Variants in TWSG1 observed in about 807,000 individuals in gnomAD.
The protein encoded by TWSG1 is twisted gastrulation protein homolog 1.
A neutral mutation model predicts 23.0 loss-of-function variants in TWSG1; 15 were observed. The ratio of observed to expected loss-of-function variants is 0.65; its 90% CI spans 0.44 to 1.00. The LOEUF (loss-of-function observed/expected upper bound fraction) is 1.00. Ranked by LOEUF, TWSG1 falls within the 50% of genes least tolerant of loss-of-function variation. The probability of loss-of-function intolerance (pLI) is 0.00; values close to 1 mark genes in which losing one functional copy is unlikely to be tolerated. For missense variants in TWSG1, 242 were observed against 278.7 expected (o/e 0.87, Z 0.94); for synonymous variants, 86 against 92.8 (o/e 0.93, Z 0.42).
At chr18:9,347,568 T>G (rs2040483252) in intron 2 of TWSG1, among the ~76,000 whole-genome samples, 1 of 152,202 alleles carries the variant, frequency 6.6e-6, no homozygotes, top group African/African-American at 2.4e-5. Flanking sequence ...TAAATTTATT[T>G]ATCAGTATTT....
intron 3 of TWSG1, among the ~76,000 whole-genome samples, chr18:9,389,448 A>T (rs2040701172): frequency 1.3e-5 from 2 of 152,192 alleles, no homozygotes; most frequent in Non-Finnish European, 2.9e-5. Flanking sequence ...CTTGGCTCTG[A>T]TCCTAGATGA....
Position 9,401,984 on chromosome 18 carries a change from G to A in TWSG1, c.*2457G>A, listed in dbSNP as rs1367879855. The A allele has an allele frequency of 2.6e-5, 4 of 152,044 alleles. No individual in the cohort carries two copies. In the East Asian group the frequency reaches 7.7e-4, roughly 29 times the overall value. The allele number at this position is 152,044 out of a possible 1,614,324, so 9.4% of individuals were successfully genotyped here. A position where few individuals can be genotyped will look rare whatever the true frequency, so the allele number is the denominator to read the frequency against. On this transcript the variant is annotated 3_prime_UTR_variant, in exon 5 of 5. Coordinates refer to ENST00000262120, the MANE Select transcript of TWSG1 (RefSeq NM_020648.6). ...CTTGTGCTTGTTAGCAGGTTTTTCTGTTAGTTTTTCCCCCATAACATTTAA... is the reference window on the plus strand; with the variant it reads ...CTTGTGCTTGTTAGCAGGTTTTTCTATTAGTTTTTCCCCCATAACATTTAA...
At chr18:9,399,290 TTA>T in intron 4 of TWSG1, 54 bp from the exon 5 acceptor site, 1 of 1,310,660 alleles carries the variant, frequency 7.6e-7, no homozygotes, top group Admixed American at 2.3e-5. Context: ...ATAAAGCATT[TTA>T]TTTTTTTGTT....
In TWSG1 at chr18:9,399,465, A is replaced by G. The variant is rs2040753296; in HGVS notation, c.610A>G (p.Ile204Val). Residue 204 changes from isoleucine to valine, a missense_variant, in exon 5 of 5, where the codon ATT (isoleucine) becomes GTT (valine). Coordinates refer to ENST00000262120, the MANE Select transcript of TWSG1 (RefSeq NM_020648.6). ...GTTTCATAATGCCTGCTGCGAGTGC[A>G]TTGGTCCAGAATGTATTGACTATGG... ...RWFHNACCEC[I>V]GPECIDYGSK... 1 of 1,614,130 alleles carries G rather than the reference A, an allele frequency of 6.2e-7. No individual in the cohort carries two copies. The highest frequency in any genetic ancestry group is 8.5e-7 in the Non-Finnish European group (1 of 1,180,004).
intron 3 of TWSG1, among the ~76,000 whole-genome samples, chr18:9,370,993 T>C (rs1486524243): frequency 6.6e-6 from 1 of 152,052 alleles, no homozygotes; most frequent in Non-Finnish European, 1.5e-5. Context: ...CTAAGGTGTT[T>C]CTCTGAGAAA....
intron 3 of TWSG1, among the ~76,000 whole-genome samples, chr18:9,364,856 T>C (rs11081474): frequency 0.33 from 50,074 of 151,946 alleles, 8,381 homozygotes; most frequent in Middle Eastern, 0.37. Context: ...TTATCATTAC[T>C]TCTGCAGTTA....
chr18:9,357,628 A>G (rs1006296726), intron 2 of TWSG1, among the ~76,000 whole-genome samples: 8 of 152,234 alleles, frequency 5.3e-5, no homozygotes, highest in African/African-American at 1.9e-4. Flanking sequence ...TATCAATAGC[A>G]TTCCATTAGG....
chr18:9,356,142 CTT>C (rs935070847), intron 2 of TWSG1, among the ~76,000 whole-genome samples: 5 of 152,154 alleles, frequency 3.3e-5, no homozygotes, highest in African/African-American at 7.2e-5. Context: ...TCGTTTCCCT[CTT>C]GTTTCTCCTT....
chr18:9,398,941 G>C (rs1352967096), intron 4 of TWSG1, among the ~76,000 whole-genome samples: 3 of 151,854 alleles, frequency 2.0e-5, no homozygotes, highest in African/African-American at 7.3e-5. Flanking sequence ...CTGGGAGGCG[G>C]AGGCTGCAGT....
At chr18:9,362,984 G>C (rs2040559407) in intron 3 of TWSG1, among the ~76,000 whole-genome samples, 1 of 152,118 alleles carries the variant, frequency 6.6e-6, no homozygotes, top group Non-Finnish European at 1.5e-5. Flanking sequence ...CTTGTAGGCA[G>C]CTCTCTTCCA....
At chr18:9,389,379 G>T (rs115538423) in intron 3 of TWSG1, among the ~76,000 whole-genome samples, 4 of 152,038 alleles carry the variant, frequency 2.6e-5, no homozygotes, top group Non-Finnish European at 5.9e-5. Flanking sequence ...TAAAGATTAC[G>T]TATAGATATA....
chr18:9,375,508 G>T (rs1048842533), intron 3 of TWSG1, among the ~76,000 whole-genome samples: 4 of 152,108 alleles, frequency 2.6e-5, no homozygotes, highest in African/African-American at 9.7e-5. Flanking sequence ...ACAAGGAAAG[G>T]AAATAAAAGG....
intron 3 of TWSG1, among the ~76,000 whole-genome samples, chr18:9,372,772 A>G (rs549566194): frequency 9.9e-5 from 15 of 152,030 alleles, no homozygotes; most frequent in Non-Finnish European, 2.1e-4. Context: ...CTTAAAAAAG[A>G]AGAGAAAATG....
At position 9,399,510 on chromosome 18, in the gene TWSG1, A is replaced by C; in HGVS notation, c.655A>C (p.Met219Leu). ...IDYGSKTVKCMNCMF is the reference protein window; with the variant it reads ...IDYGSKTVKCLNCMF ...CTATGGTAGTAAAACTGTCAAATGT[A>C]TGAACTGCATGTTTTAAAGAAGACA... Residue 219 changes from methionine (M) to leucine (L), a missense_variant, in exon 5 of 5, where the codon ATG becomes CTG. Physicochemically the swap from Met to Leu is conservative, Grantham distance 15. Transcript: ENST00000262120. The C allele has an allele frequency of 6.2e-7, 1 of 1,604,452 alleles. No homozygotes were observed. Among genetic ancestry groups the C allele is most frequent in the South Asian group, 1.1e-5 (1 of 88,728 alleles).
At chr18:9,343,678 T>C (rs1367738534) in intron 2 of TWSG1, among the ~76,000 whole-genome samples, 1 of 152,212 alleles carries the variant, frequency 6.6e-6, no homozygotes, top group African/African-American at 2.4e-5. Context: ...GTCTTTTGTG[T>C]CTGACTTCTT....
chr18:9,362,635 G>T (rs369146047), intron 3 of TWSG1, among the ~76,000 whole-genome samples: 2 of 152,234 alleles, frequency 1.3e-5, no homozygotes, highest in African/African-American at 4.8e-5. Context: ...GAATGTGAGT[G>T]TATGTGTGTT....
chr18:9,396,990 G>A (rs960553068), intron 4 of TWSG1: 9 of 162,734 alleles, frequency 5.5e-5, no homozygotes, highest in Admixed American at 1.3e-4. Context: ...CCTGAGAGTC[G>A]GAGGTTGCTG....
At chr18:9,370,087 A>T (rs1052589700) in intron 3 of TWSG1, among the ~76,000 whole-genome samples, 8 of 152,156 alleles carry the variant, frequency 5.3e-5, no homozygotes, top group Non-Finnish European at 8.8e-5. Context: ...TGGGAGGCTG[A>T]GGTGGGCGGA....
At chr18:9,398,478 A>G (rs1365737129) in intron 4 of TWSG1, among the ~76,000 whole-genome samples, 1 of 151,740 alleles carries the variant, frequency 6.6e-6, no homozygotes, top group Non-Finnish European at 1.5e-5. Flanking sequence ...GTTTTTTGAA[A>G]TGGAGTTTCA....
Sources: gnomAD v4.1 joint callset for allele counts (sites outside exome capture counted in the v4.1 genomes callset) on GRCh38, gnomAD v4.1.1 for gene constraint, MANE v1.5 for transcripts, NCBI Gene and HGNC (gene_info 2026-07-23, HGNC 2026-07-21) for gene names.